GRIK3: variants seen among roughly 807,000 people sequenced by gnomAD.
The protein encoded by GRIK3 is glutamate receptor ionotropic, kainate 3.
GRIK3 carries 29 observed loss-of-function variants against 102.5 expected under a neutral mutation model. The observed-to-expected ratio is 0.28, with a 90% confidence interval of 0.21 to 0.39. The LOEUF (loss-of-function observed/expected upper bound fraction) is 0.39, where lower values mean the gene tolerates loss of function less well. GRIK3 is among the 10% of genes least tolerant of loss of function. The pLI, the probability that GRIK3 is intolerant of heterozygous loss-of-function variation, is 1.00. For synonymous variants in GRIK3, 511 were observed against 504.9 expected, an observed-to-expected ratio of 1.01 and a Z score of -0.16; for missense variants, 908 against 1,252.4, an observed-to-expected ratio of 0.73 and a Z score of 4.15.
At chr1:36,943,792 G>A (rs1042579821) in intron 1 of GRIK3, among the ~76,000 whole-genome samples, 7 of 152,246 alleles carry the variant, frequency 4.6e-5, no homozygotes, top group African/African-American at 1.7e-4. Context: ...CAAGGCACAT[G>A]TGCTTGCTCT....
chr1:37,006,017 G>A (rs1642528932), intron 1 of GRIK3, among the ~76,000 whole-genome samples: 1 of 152,162 alleles, frequency 6.6e-6, no homozygotes, highest in African/African-American at 2.4e-5. Context: ...CCTGAAAGGG[G>A]ATAAGGCCCG....
At chr1:36,991,767 G>A (rs528075954) in intron 1 of GRIK3, among the ~76,000 whole-genome samples, 1 of 152,342 alleles carries the variant, frequency 6.6e-6, no homozygotes, top group South Asian at 2.1e-4. Context: ...AAGGTCCAGG[G>A]AACAAAGAGT....
chr1:36,907,532 G>A (rs1480071329), intron 1 of GRIK3, among the ~76,000 whole-genome samples: 1 of 152,168 alleles, frequency 6.6e-6, no homozygotes, highest in Non-Finnish European at 1.5e-5. Context: ...GGCGACAGAA[G>A]ATGGGCATGG....
chr1:37,031,468 G>GC (rs529985993), intron 1 of GRIK3, among the ~76,000 whole-genome samples: 1 of 152,224 alleles, frequency 6.6e-6, no homozygotes, highest in East Asian at 1.9e-4. Flanking sequence ...GGAAATTTCA[G>GC]CCCCCAAAAG....
At chr1:36,929,203 C>T (rs948636409) in intron 1 of GRIK3, among the ~76,000 whole-genome samples, 4 of 151,970 alleles carry the variant, frequency 2.6e-5, no homozygotes, top group Non-Finnish European at 4.4e-5. Context: ...CTGCTAAACC[C>T]CATTCAGCTT....
At chr1:36,853,391 G>C (rs1640607330) in intron 8 of GRIK3, among the ~76,000 whole-genome samples, 1 of 152,134 alleles carries the variant, frequency 6.6e-6, no homozygotes, top group African/African-American at 2.4e-5. Context: ...GTGGGTGTCT[G>C]CTGCAGCCAG....
At chr1:36,834,121 C>G (rs1332906364) in intron 10 of GRIK3, among the ~76,000 whole-genome samples, 1 of 152,212 alleles carries the variant, frequency 6.6e-6, no homozygotes, top group Non-Finnish European at 1.5e-5. Flanking sequence ...CCATTTCTTC[C>G]ACTAGAATGT....
intron 9 of GRIK3, among the ~76,000 whole-genome samples, chr1:36,846,430 G>T (rs1038154435): frequency 6.6e-6 from 1 of 152,230 alleles, no homozygotes; most frequent in Non-Finnish European, 1.5e-5. Context: ...TGCCACACCA[G>T]ATTCCTGGGA....
At chr1:36,803,812 G>A (rs1399296649) in intron 15 of GRIK3, among the ~76,000 whole-genome samples, 5 of 152,210 alleles carry the variant, frequency 3.3e-5, no homozygotes, top group African/African-American at 1.2e-4. Context: ...TGTATCAACA[G>A]AGAACCATTC....
In GRIK3 at chr1:36,800,858, A is replaced by C. The variant is rs1223667909; in HGVS notation, c.*993T>G. The C allele has an allele frequency of 6.6e-6, 1 of 152,246 alleles. No individual in the cohort carries two copies. The highest frequency in any genetic ancestry group is 1.5e-5 in the Non-Finnish European group (1 of 68,050). 9.4% of individuals were successfully genotyped at this position (152,246 alleles called of 1,614,324 possible). On this transcript the variant is annotated 3_prime_UTR_variant, in exon 16 of 16. Coordinates refer to ENST00000373091, the MANE Select transcript of GRIK3 (RefSeq NM_000831.4). ...AGAGTGAGGCCAAGGTCAACCAGCC[A>C]GGAATGGGGAGTTGTTGATGAGAAG...
chr1:37,017,775 G>A (rs1039648250), intron 1 of GRIK3, among the ~76,000 whole-genome samples: 28 of 152,160 alleles, frequency 1.8e-4, no homozygotes, highest in Admixed American at 5.2e-4. Context: ...CACCTCTGAC[G>A]TATGGATCAC....
At position 36,890,945 on chromosome 1, in the gene GRIK3, A is replaced by G. The variant is rs1641107438; in HGVS notation, c.267T>C (p.His89=). 4 of 1,613,036 alleles carry G rather than the reference A, an allele frequency of 2.5e-6. No homozygotes were observed. The highest frequency in any genetic ancestry group is 3.4e-6 in the Non-Finnish European group (4 of 1,179,310). The change falls in exon 2 of 16, where the codon CAT becomes CAC. Residue 89 remains histidine, a synonymous_variant. Transcript: ENST00000373091. ...LTYDIQRIHF[H]DSFEATKKAC... is the part of the protein sequence containing the mutation. ...CCTTTTTGGTCGCCTCGAAGCTGTC[A>G]TGGAAGTGAATCCTCTGTATGTCAT...
At chr1:36,875,124 T>G (rs1400984870) in intron 3 of GRIK3, among the ~76,000 whole-genome samples, 1 of 152,238 alleles carries the variant, frequency 6.6e-6, no homozygotes, top group East Asian at 1.9e-4. Flanking sequence ...CATTCCAATG[T>G]TACAGAGAAA....
At chr1:36,975,634 T>C (rs981000490) in intron 1 of GRIK3, among the ~76,000 whole-genome samples, 4 of 152,186 alleles carry the variant, frequency 2.6e-5, no homozygotes, top group African/African-American at 7.2e-5. Flanking sequence ...TAAATGATCA[T>C]GGAGATCGGT....
intron 1 of GRIK3, among the ~76,000 whole-genome samples, chr1:36,923,896 C>T (rs1641499090): frequency 6.6e-6 from 1 of 152,010 alleles, no homozygotes; most frequent in Non-Finnish European, 1.5e-5. Context: ...CATGTACACA[C>T]ACATGCACTG....
intron 1 of GRIK3, among the ~76,000 whole-genome samples, chr1:36,959,229 A>AGC (rs1641968760): frequency 9.7e-6 from 1 of 103,000 alleles, no homozygotes; most frequent in East Asian, 4.1e-4. Context: ...GTGCCCCATG[A>AGC]CTCTGTGTCC....
chr1:36,823,472 CAAAAAA>C (rs71053954), intron 11 of GRIK3, among the ~76,000 whole-genome samples: 25 of 38,096 alleles, frequency 6.6e-4, no homozygotes, highest in African/African-American at 1.8e-3. Flanking sequence ...GACTCCGTCT[CAAAAAA>C]AAAAAAAAAA....
At chr1:36,887,515 A>G (rs4652932) in intron 2 of GRIK3, among the ~76,000 whole-genome samples, 135,593 of 152,060 alleles carry the variant, frequency 0.89, 60,667 homozygotes, top group East Asian at 0.99. Flanking sequence ...CCAGCACTTT[A>G]GGAGGCTGAG....
chr1:37,020,673 T>A (rs1266480463), intron 1 of GRIK3, among the ~76,000 whole-genome samples: 2 of 152,214 alleles, frequency 1.3e-5, no homozygotes, highest in African/African-American at 4.8e-5. Flanking sequence ...ATTACCTTGA[T>A]TTTCTTTTAC....
Sources: allele counts gnomAD v4.1 joint callset (sites outside exome capture counted in the v4.1 genomes callset), GRCh38; gene constraint gnomAD v4.1.1; transcripts MANE v1.5; gene names NCBI Gene and HGNC (gene_info 2026-07-23, HGNC 2026-07-21).